SORCS3: variants seen among roughly 807,000 people sequenced by gnomAD.
The protein encoded by SORCS3 is sortilin related VPS10 domain containing receptor 3.
In SORCS3, 57 loss-of-function variants were observed where a neutral mutation model predicts 146.3. That is an observed-to-expected ratio of 0.39 (90% CI 0.31 to 0.49). The LOEUF (loss-of-function observed/expected upper bound fraction) is 0.49, where lower values mean the gene tolerates loss of function less well. Ranked by LOEUF, SORCS3 falls within the 20% of genes least tolerant of loss-of-function variation. The probability of loss-of-function intolerance (pLI) is 0.92; values close to 1 mark genes in which losing one functional copy is unlikely to be tolerated. For missense variants in SORCS3, 1,341 were observed against 1,575.5 expected, an observed-to-expected ratio of 0.85 and a Z score of 2.52; for synonymous variants, 653 against 618.5, an observed-to-expected ratio of 1.06 and a Z score of -0.83.
At chr10:104,654,510 G>C (rs2015600847) in intron 1 of SORCS3, among the ~76,000 whole-genome samples, 2 of 152,156 alleles carry the variant, frequency 1.3e-5, no homozygotes, top group Admixed American at 6.5e-5. Flanking sequence ...ACTGGGGTGA[G>C]ATGATATGTT....
chr10:104,986,293 C>T (rs879732335), intron 4 of SORCS3, among the ~76,000 whole-genome samples: 7 of 152,206 alleles, frequency 4.6e-5, no homozygotes, highest in Non-Finnish European at 8.8e-5. Context: ...AACTTTTCTT[C>T]TGTAGCTTCT....
At chr10:105,236,942 C>T (rs1179065067) in intron 20 of SORCS3, among the ~76,000 whole-genome samples, 1 of 152,146 alleles carries the variant, frequency 6.6e-6, no homozygotes, top group African/African-American at 2.4e-5. Flanking sequence ...ATCTATCTAT[C>T]TATCTATCTA....
intron 2 of SORCS3, among the ~76,000 whole-genome samples, chr10:104,880,826 T>A (rs1160863246): frequency 1.3e-5 from 2 of 152,180 alleles, no homozygotes; most frequent in Non-Finnish European, 2.9e-5. Context: ...ACTGAGCTGA[T>A]CCTGCTTCAC....
chr10:104,966,400 G>C (rs575457825), intron 3 of SORCS3, among the ~76,000 whole-genome samples: 1 of 152,234 alleles, frequency 6.6e-6, no homozygotes, highest in Admixed American at 6.5e-5. Context: ...TACTCTAAGA[G>C]CTCATATTGA....
intron 7 of SORCS3, among the ~76,000 whole-genome samples, chr10:105,107,371 G>T (rs2055829847): frequency 6.6e-6 from 1 of 150,484 alleles, no homozygotes; most frequent in African/African-American, 2.5e-5. Flanking sequence ...TTACCAGTCG[G>T]ATTTCCCTTC....
chr10:104,727,504 A>G (rs2016650637), intron 1 of SORCS3, among the ~76,000 whole-genome samples: 1 of 150,824 alleles, frequency 6.6e-6, no homozygotes, highest in Non-Finnish European at 1.5e-5. Flanking sequence ...CTTATAGTAC[A>G]TATAGTTTTG....
chr10:105,201,070 C>T, intron 15 of SORCS3, 50 bp from the exon 16 acceptor site: 1 of 1,593,932 alleles, frequency 6.3e-7, no homozygotes, highest in South Asian at 1.2e-5. Context: ...TGGTTTATTT[C>T]ACCACCTTTT....
chr10:104,652,076 T>C (rs968421333), intron 1 of SORCS3, among the ~76,000 whole-genome samples: 20 of 151,954 alleles, frequency 1.3e-4, no homozygotes, highest in African/African-American at 3.9e-4. Context: ...TGTGTGTGTG[T>C]GTGTGTGTGT....
chr10:104,962,838 C>T (rs1298108342), intron 3 of SORCS3, among the ~76,000 whole-genome samples: 1 of 152,132 alleles, frequency 6.6e-6, no homozygotes, highest in Admixed American at 6.5e-5. Flanking sequence ...TTAGGAATAA[C>T]CACTGTTAAC....
At chr10:105,039,160 G>C (rs754923450) in intron 4 of SORCS3, among the ~76,000 whole-genome samples, 1 of 152,184 alleles carries the variant, frequency 6.6e-6, no homozygotes, top group Non-Finnish European at 1.5e-5. Flanking sequence ...ATTAAATGAA[G>C]AAGTAGATGT....
intron 3 of SORCS3, among the ~76,000 whole-genome samples, chr10:104,951,350 A>G (rs558674286): frequency 3.9e-5 from 6 of 152,040 alleles, no homozygotes; most frequent in African/African-American, 1.4e-4. Flanking sequence ...TTTTTTTCTT[A>G]GGGTCAGTGT....
At chr10:105,048,576 C>T (rs1257248192) in intron 5 of SORCS3, among the ~76,000 whole-genome samples, 1 of 148,890 alleles carries the variant, frequency 6.7e-6, no homozygotes, top group Non-Finnish European at 1.5e-5. Flanking sequence ...AGGAGATATA[C>T]CTAATGTTAA....
chr10:104,866,567 T>A (rs759836197), intron 2 of SORCS3, among the ~76,000 whole-genome samples: 2 of 152,228 alleles, frequency 1.3e-5, no homozygotes, highest in Non-Finnish European at 2.9e-5. Flanking sequence ...GTAATTCATA[T>A]GCAAATTATG....
chr10:104,684,439 C>T (rs775520360), intron 1 of SORCS3, among the ~76,000 whole-genome samples: 1 of 152,178 alleles, frequency 6.6e-6, no homozygotes, highest in Non-Finnish European at 1.5e-5. Flanking sequence ...TTAATTCCTC[C>T]AATTTTTCAA....
chr10:104,708,529 G>A (rs1198539369), intron 1 of SORCS3, among the ~76,000 whole-genome samples: 2 of 152,160 alleles, frequency 1.3e-5, no homozygotes, highest in Non-Finnish European at 2.9e-5. Flanking sequence ...ATGTATCTTC[G>A]CTTAGCTGAT....
At chr10:104,716,935 G>A (rs2016486184) in intron 1 of SORCS3, among the ~76,000 whole-genome samples, 1 of 152,186 alleles carries the variant, frequency 6.6e-6, no homozygotes, top group African/African-American at 2.4e-5. Flanking sequence ...CTACCATTGA[G>A]GGAGAAGTCA....
chr10:104,727,013 C>A (rs1419666070), intron 1 of SORCS3, among the ~76,000 whole-genome samples: 3 of 152,152 alleles, frequency 2.0e-5, no homozygotes, highest in Admixed American at 6.5e-5. Flanking sequence ...ATTGTCTGTC[C>A]ATCCATATGG....
intron 1 of SORCS3, among the ~76,000 whole-genome samples, chr10:104,679,986 A>T (rs759218764): frequency 2.6e-5 from 4 of 152,234 alleles, no homozygotes; most frequent in Non-Finnish European, 5.9e-5. Context: ...GTGAGACTGC[A>T]TGGGAGGCCG....
chr10:104,700,601 G>A (rs983405816), intron 1 of SORCS3, among the ~76,000 whole-genome samples: 1 of 148,782 alleles, frequency 6.7e-6, no homozygotes, highest in Non-Finnish European at 1.5e-5. Context: ...AGCCTCATCA[G>A]AATAAAATGG....
Sources: gnomAD v4.1 joint callset for allele counts (sites outside exome capture counted in the v4.1 genomes callset) on GRCh38, gnomAD v4.1.1 for gene constraint, MANE v1.5 for transcripts, NCBI Gene and HGNC (gene_info 2026-07-23, HGNC 2026-07-21) for gene names.